HOMER1: variants seen among roughly 807,000 people sequenced by gnomAD.
HOMER1 encodes the protein homer scaffold protein 1, also known as homer protein homolog 1.
A neutral mutation model predicts 48.9 loss-of-function variants in HOMER1; 3 were observed. The observed-to-expected ratio is 0.06, with a 90% CI of 0.03 to 0.16. HOMER1 has a LOEUF of 0.16. HOMER1 is among the 10% of genes least tolerant of loss of function. The probability of loss-of-function intolerance (pLI) is 1.00; values close to 1 mark genes in which losing one functional copy is unlikely to be tolerated. For synonymous variants in HOMER1, 134 were observed against 146.4 expected, an observed-to-expected ratio of 0.92 and a Z score of 0.61; for missense variants, 247 against 411.4, an observed-to-expected ratio of 0.60 and a Z score of 3.46.
chr5:79,410,884 CT>C (rs930287500), intron 5 of HOMER1, among the ~76,000 whole-genome samples: 93 of 152,206 alleles, frequency 6.1e-4, no homozygotes, highest in African/African-American at 2.2e-3. Flanking sequence ...AATTTGGTTT[CT>C]TTTTTATAGG....
At chr5:79,407,224 C>G in intron 5 of HOMER1, among the ~76,000 whole-genome samples, 1 of 151,842 alleles carries the variant, frequency 6.6e-6, no homozygotes, top group South Asian at 2.1e-4. Context: ...GAGTCATACC[C>G]ATTTCTAGGA....
chr5:79,449,663 C>T (rs1438610115), intron 3 of HOMER1, among the ~76,000 whole-genome samples: 1 of 151,988 alleles, frequency 6.6e-6, no homozygotes, highest in Non-Finnish European at 1.5e-5. Flanking sequence ...TTAGTAGAAA[C>T]GGGGTTTTGC....
chr5:79,437,040 G>T (rs1750600981), intron 5 of HOMER1, among the ~76,000 whole-genome samples: 1 of 152,164 alleles, frequency 6.6e-6, no homozygotes, highest in South Asian at 2.1e-4. Context: ...AAGCAGCTAT[G>T]TACTTCAAGT....
intron 8 of HOMER1, among the ~76,000 whole-genome samples, chr5:79,379,946 G>A (rs950350011): frequency 6.6e-6 from 1 of 152,120 alleles, no homozygotes; most frequent in African/African-American, 2.4e-5. Flanking sequence ...ATTCAAGATG[G>A]CTGACTAGAA....
At chr5:79,475,120 CAG>C (rs1751725602) in intron 1 of HOMER1, among the ~76,000 whole-genome samples, 1 of 152,196 alleles carries the variant, frequency 6.6e-6, no homozygotes, top group Non-Finnish European at 1.5e-5. Context: ...AACATGTGGT[CAG>C]ACACTGTTCT....
intron 5 of HOMER1, among the ~76,000 whole-genome samples, chr5:79,433,613 T>C (rs1360491340): frequency 1.3e-5 from 2 of 152,136 alleles, no homozygotes; most frequent in Non-Finnish European, 2.9e-5. Context: ...CCTTTTGTAT[T>C]TTAGTTTGCA....
intron 5 of HOMER1, among the ~76,000 whole-genome samples, chr5:79,435,775 G>A (rs1168295051): frequency 6.6e-6 from 1 of 151,410 alleles, no homozygotes; most frequent in Non-Finnish European, 1.5e-5. Context: ...AGCTTGCAGT[G>A]AGCCAAGATT....
chr5:79,456,815 T>C (rs1383497618), intron 2 of HOMER1, 47 bp downstream of exon 2: 5 of 1,573,586 alleles, frequency 3.2e-6, no homozygotes, highest in Middle Eastern at 1.8e-4. Flanking sequence ...AATGTCATAC[T>C]GAAAAAAGCA....
intron 4 of HOMER1, among the ~76,000 whole-genome samples, chr5:79,441,108 C>T (rs778061917): frequency 6.6e-5 from 10 of 151,880 alleles, no homozygotes; most frequent in Non-Finnish European, 1.5e-4. Context: ...TCCAGCGAGC[C>T]GAGATCACTG....
chr5:79,391,881 A>G (rs1749262613), intron 8 of HOMER1, among the ~76,000 whole-genome samples: 1 of 152,216 alleles, frequency 6.6e-6, no homozygotes, highest in African/African-American at 2.4e-5. Context: ...ACAGTCATGC[A>G]CAGCATGACA....
In HOMER1 at chr5:79,405,887, T is replaced by C. The variant is rs80033464; in HGVS notation, c.528-3832A>G. Among the ~76,000 whole-genome samples the C allele has an allele frequency of 7.5e-3, 1,142 of 152,346 alleles. 9 individuals carry two copies. The highest frequency in any genetic ancestry group is 0.025 in the African/African-American group (1,022 of 41,584). On this transcript the variant is annotated intron_variant, in intron 5 of 8. Coordinates refer to ENST00000334082, the MANE Select transcript of HOMER1 (RefSeq NM_004272.5). Reference sequence around the variant, plus strand: ...CAGGGATGGAATTTCACACTAGTTTTGGGTAGTAGAATCATATGGAGTTTC... The same window carrying C: ...CAGGGATGGAATTTCACACTAGTTTCGGGTAGTAGAATCATATGGAGTTTC...
intron 4 of HOMER1, among the ~76,000 whole-genome samples, chr5:79,439,671 T>C (rs924475977): frequency 6.6e-6 from 1 of 152,092 alleles, no homozygotes; most frequent in Non-Finnish European, 1.5e-5. Context: ...TAGAGCTACT[T>C]AGAAAAGCAA....
intron 1 of HOMER1, among the ~76,000 whole-genome samples, chr5:79,492,861 A>C (rs1752320467): frequency 6.9e-6 from 1 of 145,230 alleles, no homozygotes; most frequent in African/African-American, 2.5e-5. Context: ...CCATATACCC[A>C]CTTCTTGCTT....
chr5:79,419,437 G>T (rs1020665065), intron 5 of HOMER1, among the ~76,000 whole-genome samples: 2 of 151,864 alleles, frequency 1.3e-5, no homozygotes, highest in Admixed American at 6.6e-5. Flanking sequence ...GCTTGAGAGG[G>T]GCTTTTATCA....
intron 2 of HOMER1, among the ~76,000 whole-genome samples, chr5:79,455,278 G>A (rs1291614493): frequency 6.6e-6 from 1 of 152,156 alleles, no homozygotes; most frequent in Non-Finnish European, 1.5e-5. Flanking sequence ...ATCAGATGGT[G>A]ATATGGTTTG....
intron 5 of HOMER1, among the ~76,000 whole-genome samples, chr5:79,431,917 C>A (rs1750437434): frequency 6.6e-6 from 1 of 152,200 alleles, no homozygotes; most frequent in Admixed American, 6.5e-5. Flanking sequence ...AGAACTGGAT[C>A]CAATCTTTAC....
At chr5:79,484,286 A>C (rs549828206) in intron 1 of HOMER1, among the ~76,000 whole-genome samples, 1 of 151,978 alleles carries the variant, frequency 6.6e-6, no homozygotes, top group South Asian at 2.1e-4. Context: ...ATCATAAAAA[A>C]ACACTCAATC....
At chr5:79,470,909 T>C (rs1302692205) in intron 1 of HOMER1, among the ~76,000 whole-genome samples, 44 of 152,094 alleles carry the variant, frequency 2.9e-4, no homozygotes, top group Non-Finnish European at 4.4e-5. Flanking sequence ...TAAAAACATG[T>C]CTACAAAGCC....
intron 1 of HOMER1, among the ~76,000 whole-genome samples, chr5:79,502,840 G>A (rs372202627): frequency 6.6e-6 from 1 of 152,164 alleles, no homozygotes; most frequent in Non-Finnish European, 1.5e-5. Context: ...GCCCAGGCTG[G>A]AGTGCAGTGG....
Sources: gnomAD v4.1 joint callset for allele counts (sites outside exome capture counted in the v4.1 genomes callset) on GRCh38, gnomAD v4.1.1 for gene constraint, MANE v1.5 for transcripts, NCBI Gene and HGNC (gene_info 2026-07-23, HGNC 2026-07-21) for gene names.